H1-7: variants seen among roughly 807,000 people sequenced by gnomAD.
H1-7 encodes the protein H1.7 linker histone.
A neutral mutation model predicts 0.3 loss-of-function variants in H1-7; 1 was observed. The observed-to-expected ratio is 3.06, with a 90% CI of 1.09 to 14.53. The LOEUF is 14.53. Among genes scored for constraint, H1-7 ranks in the 30% most tolerant of loss-of-function variants. H1-7 has a pLI of 0.12. For synonymous variants in H1-7, 177 were observed against 153.2 expected, an observed-to-expected ratio of 1.16 and a Z score of -1.15; for missense variants, 393 against 353.1, an observed-to-expected ratio of 1.11 and a Z score of -0.91.
chr12:48,330,075 A>G lies in H1-7; in HGVS notation c.*16A>G. 1 of 1,593,114 alleles carries G rather than the reference A, an allele frequency of 6.3e-7. No individual in the cohort carries two copies. The highest frequency in any genetic ancestry group is 1.1e-5 in the South Asian group (1 of 88,302). ...CATCCAGTAGCCAACGCGGGCTAAA[A>G]CCGACCGGACATCTAGCGGGCAGGG... On this transcript the variant is annotated 3_prime_UTR_variant, in exon 1 of 1. Transcript: ENST00000335017.
rs1356952368 is a variant in H1-7 at position 48,329,217 on chromosome 12, A to G, written c.-75A>G. 1 of 1,443,458 alleles carries G rather than the reference A, an allele frequency of 6.9e-7. No homozygotes were observed. The highest frequency in any genetic ancestry group is 1.4e-5 in the African/African-American group (1 of 69,542). The allele number at this position is 1,443,458 out of a possible 1,614,324, so 89.4% of individuals were successfully genotyped here. On this transcript the variant is annotated 5_prime_UTR_variant, in exon 1 of 1. It adds an upstream start codon to the 5' untranslated region. Transcript: ENST00000335017. ...AAAAGGGCCCCTCCCCGGGTGAGAT[A>G]TGCCAGCCCCATAATTAGGACCTGA...
Position 48,330,093 on chromosome 12 carries a change from G to A in H1-7, c.*34G>A, listed in dbSNP as rs371761883. Reference sequence around the variant, plus strand: ...GGCTAAAACCGACCGGACATCTAGCGGGCAGGGGAAGACTCCACTAAAGAC... The same window carrying A: ...GGCTAAAACCGACCGGACATCTAGCAGGCAGGGGAAGACTCCACTAAAGAC... On this transcript the variant is annotated 3_prime_UTR_variant, in exon 1 of 1. Coordinates refer to ENST00000335017, the MANE Select transcript of H1-7 (RefSeq NM_181788.1). The A allele has an allele frequency of 3.8e-6, 6 of 1,566,958 alleles. No individual in the cohort carries two copies. The African/African-American group carries it at 8.2e-5, about 21-fold the overall frequency.
rs1431905723 is a variant in H1-7 at position 48,329,572 on chromosome 12, G to T, written c.281G>T (p.Ser94Ile). 1.9e-6 allele frequency: 3 copies of T among 1,611,820 alleles called. No individual in the cohort carries two copies. Among genetic ancestry groups the T allele is most frequent in the Non-Finnish European group, 2.5e-6 (3 of 1,179,586 alleles). The change falls in exon 1 of 1, where the codon AGC becomes ATC. Residue 94 changes from serine (S) to isoleucine (I), a missense_variant. Coordinates refer to ENST00000335017, the MANE Select transcript of H1-7 (RefSeq NM_181788.1). ...GCCGGCTACGAAGTGCGCAGGAAGA[G>T]CGGCCGCCACGAAGCGCCCAGGGGG... ...RNAGYEVRRK[S>I]GRHEAPRGQA...
Position 48,329,491 on chromosome 12 carries a change from C to T in H1-7, c.200C>T (p.Ala67Val), listed in dbSNP as rs1952541574. Residue 67 changes from alanine (A) to valine (V), a missense_variant, in exon 1 of 1, where the codon GCC becomes GTC. Transcript: ENST00000335017. ...VLRVSQLVLQ[A>V]ISTHKGLTLA... ...AGAGTGTCCCAGTTGGTGCTCCAGG[C>T]CATCTCCACTCACAAAGGGCTGACT... 1 of 1,613,970 alleles carries T rather than the reference C, an allele frequency of 6.2e-7. No homozygotes were observed. Among genetic ancestry groups the T allele is most frequent in the Admixed American group, 1.7e-5 (1 of 60,006 alleles).
chr12:48,329,845 G>A lies in H1-7; in HGVS notation c.554G>A (p.Arg185Lys). 1 of 1,590,770 alleles carries A rather than the reference G, an allele frequency of 6.3e-7. No individual in the cohort carries two copies. Among genetic ancestry groups the A allele is most frequent in the Non-Finnish European group, 8.6e-7 (1 of 1,169,234 alleles). Residue 185 changes from arginine to lysine, a missense_variant, in exon 1 of 1, where the codon AGG becomes AAG. Transcript: ENST00000335017. ...AGGGCGAAAGCCAAGGCCAATGCCA[G>A]GGCGAGGAGGACCAGGAGGGCAAGG... ...NARAKAKANA[R>K]ARRTRRARPR...
chr12:48,329,985 G>C lies in H1-7; in HGVS notation c.694G>C (p.Asp232His), dbSNP rs564621129. Reference protein sequence around the residue: ...KEDTTPRSGKDKRRSSKPREE... With the variant: ...KEDTTPRSGKHKRRSSKPREE... ...AGACACCACGCCGAGGTCAGGGAAG[G>C]ACAAGAGGCGAAGCTCCAAGCCCAG... is the stretch of plus-strand genomic sequence containing the variant. Residue 232 changes from aspartate (D) to histidine (H), a missense_variant, in exon 1 of 1, where the codon GAC (aspartate) becomes CAC (histidine). Transcript: ENST00000335017. 6 of 1,613,718 alleles carry C rather than the reference G, an allele frequency of 3.7e-6. No individual in the cohort carries two copies. Among genetic ancestry groups the C allele is most frequent in the Non-Finnish European group, 4.2e-6 (5 of 1,179,864 alleles).
chr12:48,329,803 T>C lies in H1-7; in HGVS notation c.512T>C (p.Val171Ala). The change falls in exon 1 of 1, where the codon GTG becomes GCG. Residue 171 changes from valine (V) to alanine (A), a missense_variant. Coordinates refer to ENST00000335017, the MANE Select transcript of H1-7 (RefSeq NM_181788.1). ...LRKAARKARE[V>A]WRRNARAKAK... ...AAGGCGGCCAGGAAGGCCAGAGAAG[T>C]GTGGAGACGGAACGCGAGGGCGAAA... 6.3e-7 allele frequency: 1 copy of C among 1,598,262 alleles called. No homozygotes were observed. The highest frequency in any genetic ancestry group is 1.3e-5 in the African/African-American group (1 of 74,784).
chr12:48,330,213 C>A lies in H1-7; in HGVS notation c.*154C>A. ...CTTCACTCCCACCACGGACCAATGC[C>A]TTTCCCCCATAGGCCCCAAGAAGAG... On this transcript the variant is annotated 3_prime_UTR_variant, in exon 1 of 1. Transcript: ENST00000335017. The A allele has an allele frequency of 1.2e-6, 1 of 830,542 alleles. No homozygotes were observed. The highest frequency in any genetic ancestry group is 1.9e-6 in the Non-Finnish European group (1 of 536,640). 51.4% of individuals were successfully genotyped at this position (830,542 alleles called of 1,614,324 possible). A position where few individuals can be genotyped will look rare whatever the true frequency, so the allele number is the denominator to read the frequency against.
rs1367440986 is a variant in H1-7, at chr12:48,329,863, G to A, written c.572G>A (p.Arg191Lys). Reference sequence around the variant, plus strand: ...AATGCCAGGGCGAGGAGGACCAGGAGGGCAAGGCCGAGAGCCAAGGAGCCG... The same window carrying A: ...AATGCCAGGGCGAGGAGGACCAGGAAGGCAAGGCCGAGAGCCAAGGAGCCG... ...KANARARRTRRARPRAKEPPC... is the reference protein window; with the variant it reads ...KANARARRTRKARPRAKEPPC... Residue 191 changes from arginine (R) to lysine (K), a missense_variant, in exon 1 of 1, where the codon AGG (arginine) becomes AAG (lysine). Coordinates refer to ENST00000335017, the MANE Select transcript of H1-7 (RefSeq NM_181788.1). The A allele has an allele frequency of 8.8e-6, 14 of 1,588,986 alleles. No individual in the cohort carries two copies. The highest frequency in any genetic ancestry group is 1.7e-4 in the Middle Eastern group (1 of 5,886).
In H1-7 at chr12:48,329,066, AGT is replaced by A; in HGVS notation, c.-225_-224del. On this transcript the variant is annotated 5_prime_UTR_variant, in exon 1 of 1. Coordinates refer to ENST00000335017, the MANE Select transcript of H1-7 (RefSeq NM_181788.1). ...AAAGCGGTGGAGATCGAGATCAGTAAGTTTGATTTGGGAACAAAACCCTGGAG... is the reference window on the plus strand; with the variant it reads ...AAAGCGGTGGAGATCGAGATCAGTAATTGATTTGGGAACAAAACCCTGGAG... 2 of 488,806 alleles carry A rather than the reference AGT, an allele frequency of 4.1e-6. No homozygotes were observed. The highest frequency in any genetic ancestry group is 4.0e-5 in the South Asian group (1 of 24,908). 30.3% of individuals were successfully genotyped at this position (488,806 alleles called of 1,614,324 possible).
rs1282199389 is a variant in H1-7, at chr12:48,329,062, A to G, written c.-230A>G. The G allele has an allele frequency of 2.0e-5, 10 of 490,142 alleles. No homozygotes were observed. Among genetic ancestry groups the G allele is most frequent in the Non-Finnish European group, 3.2e-5 (9 of 282,224 alleles). The allele number at this position is 490,142 out of a possible 1,614,324, so 30.4% of individuals were successfully genotyped here. Reference sequence around the variant, plus strand: ...AAAGAAAGCGGTGGAGATCGAGATCAGTAAGTTTGATTTGGGAACAAAACC... The same window carrying G: ...AAAGAAAGCGGTGGAGATCGAGATCGGTAAGTTTGATTTGGGAACAAAACC... On this transcript the variant is annotated 5_prime_UTR_variant, in exon 1 of 1. Coordinates refer to ENST00000335017, the MANE Select transcript of H1-7 (RefSeq NM_181788.1).
rs1477689872 is a variant in H1-7 at position 48,329,566 on chromosome 12, G to A, written c.275G>A (p.Arg92Lys). The A allele has an allele frequency of 6.2e-7, 1 of 1,612,196 alleles. No individual in the cohort carries two copies. The highest frequency in any genetic ancestry group is 8.5e-7 in the Non-Finnish European group (1 of 1,179,678). Reference sequence around the variant, plus strand: ...CGAAACGCCGGCTACGAAGTGCGCAGGAAGAGCGGCCGCCACGAAGCGCCC... The same window carrying A: ...CGAAACGCCGGCTACGAAGTGCGCAAGAAGAGCGGCCGCCACGAAGCGCCC... ...ELRNAGYEVR[R>K]KSGRHEAPRG... is the part of the protein sequence containing the mutation. Residue 92 changes from arginine to lysine, a missense_variant, in exon 1 of 1, where the codon AGG becomes AAG. Physicochemically the swap from Arg to Lys is conservative, Grantham distance 26. Coordinates refer to ENST00000335017, the MANE Select transcript of H1-7 (RefSeq NM_181788.1).
chr12:48,328,984 G>A lies in H1-7; in HGVS notation c.-308G>A, dbSNP rs1952535724. ...TGGGAGCAGCTTCGCTCACCTTAAGGAACTGTGGGTAGATGGTTTGCAGGA... is the reference window on the plus strand; with the variant it reads ...TGGGAGCAGCTTCGCTCACCTTAAGAAACTGTGGGTAGATGGTTTGCAGGA... On this transcript the variant is annotated 5_prime_UTR_variant, in exon 1 of 1. Coordinates refer to ENST00000335017, the MANE Select transcript of H1-7 (RefSeq NM_181788.1). 3.2e-6 allele frequency: 1 copy of A among 316,618 alleles called. No homozygotes were observed. The highest frequency in any genetic ancestry group is 5.9e-5 in the East Asian group (1 of 17,084). The allele number at this position is 316,618 out of a possible 1,614,324, so 19.6% of individuals were successfully genotyped here.
the H1-7 span, chr12:48,329,592 A>AG: frequency 6.2e-7 from 1 of 1,612,992 alleles, no homozygotes; most frequent in Non-Finnish European, 8.5e-7. Flanking sequence ...CGAAGCGCCC[A>AG]GGGGGCAGGC....
chr12:48,329,610 ACGCTCCTCC>A lies in H1-7; in HGVS notation c.320_328del (p.Thr107_Leu109del). ...AGCGCCCAGGGGGCAGGCCAAGGCC[ACGCTCCTCC>A]GGGTCAGCGGCAGCGACGCCGCCGG... On this transcript the variant is annotated inframe_deletion, in exon 1 of 1. Transcript: ENST00000335017. The A allele has an allele frequency of 1.9e-6, 3 of 1,612,552 alleles. No homozygotes were observed. Among genetic ancestry groups the A allele is most frequent in the Non-Finnish European group, 2.5e-6 (3 of 1,179,624 alleles).
chr12:48,329,559 G>A lies in H1-7; in HGVS notation c.268G>A (p.Val90Met). 1.2e-6 allele frequency: 2 copies of A among 1,612,852 alleles called. No individual in the cohort carries two copies. Among genetic ancestry groups the A allele is most frequent in the Non-Finnish European group, 1.7e-6 (2 of 1,179,740 alleles). ...KKELRNAGYE[V>M]RRKSGRHEAP... ...GGAGCTCCGAAACGCCGGCTACGAA[G>A]TGCGCAGGAAGAGCGGCCGCCACGA... Residue 90 changes from valine (V) to methionine (M), a missense_variant, in exon 1 of 1, where the codon GTG becomes ATG. Val to Met is a conservative substitution (Grantham distance 21). Coordinates refer to ENST00000335017, the MANE Select transcript of H1-7 (RefSeq NM_181788.1).
At position 48,329,559 on chromosome 12, in the gene H1-7, G is replaced by C; in HGVS notation, c.268G>C (p.Val90Leu). The change falls in exon 1 of 1, where the codon GTG becomes CTG. Residue 90 changes from valine (V) to leucine (L), a missense_variant. Val to Leu is a conservative substitution (Grantham distance 32). Transcript: ENST00000335017. ...GGAGCTCCGAAACGCCGGCTACGAA[G>C]TGCGCAGGAAGAGCGGCCGCCACGA... ...KKELRNAGYE[V>L]RRKSGRHEAP... 1 of 1,612,852 alleles carries C rather than the reference G, an allele frequency of 6.2e-7. No homozygotes were observed. The highest frequency in any genetic ancestry group is 8.5e-7 in the Non-Finnish European group (1 of 1,179,740).
rs1952541246 is a variant in H1-7, at chr12:48,329,486, C to G, written c.195C>G (p.Leu65=). 6.2e-7 allele frequency: 1 copy of G among 1,614,110 alleles called. No individual in the cohort carries two copies. The highest frequency in any genetic ancestry group is 2.2e-5 in the East Asian group (1 of 44,874). ...TGCTCAGAGTGTCCCAGTTGGTGCT[C>G]CAGGCCATCTCCACTCACAAAGGGC... is the stretch of plus-strand genomic sequence containing the variant. ...SSVLRVSQLV[L]QAISTHKGLT... is the part of the protein sequence containing the mutation. The change falls in exon 1 of 1, where the codon CTC becomes CTG. Residue 65 remains leucine, a synonymous_variant. Transcript: ENST00000335017.
chr12:48,330,132 T>G lies in H1-7; in HGVS notation c.*73T>G. 6.9e-7 allele frequency: 1 copy of G among 1,450,670 alleles called. No homozygotes were observed. The allele number at this position is 1,450,670 out of a possible 1,614,324, so 89.9% of individuals were successfully genotyped here. On this transcript the variant is annotated 3_prime_UTR_variant, in exon 1 of 1. Coordinates refer to ENST00000335017, the MANE Select transcript of H1-7 (RefSeq NM_181788.1). Reference sequence around the variant, plus strand: ...TCCACTAAAGACTTCCACAAAGACCTCCCCTAAATCTGAAGGTCTTCCTGA... The same window carrying G: ...TCCACTAAAGACTTCCACAAAGACCGCCCCTAAATCTGAAGGTCTTCCTGA...
Sources: allele counts gnomAD v4.1 joint callset, GRCh38; gene constraint gnomAD v4.1.1; transcripts MANE v1.5; gene names NCBI Gene and HGNC (gene_info 2026-07-23, HGNC 2026-07-21).